Variants in TBC1D5 observed in about 807,000 individuals in gnomAD.
TBC1D5 encodes TBC1 domain family member 5.
In TBC1D5, 75 loss-of-function variants were observed where a neutral mutation model predicts 100.3. The ratio of observed to expected loss-of-function variants is 0.75; its 90% confidence interval spans 0.62 to 0.91. The LOEUF (loss-of-function observed/expected upper bound fraction) is 0.91, where lower values mean the gene tolerates loss of function less well. TBC1D5 is among the 40% of genes least tolerant of loss of function. The pLI is 0.00. For synonymous variants in TBC1D5, 323 were observed against 325.6 expected, an observed-to-expected ratio of 0.99 and a Z score of 0.09; for missense variants, 910 against 942.4, an observed-to-expected ratio of 0.97 and a Z score of 0.45.
At chr3:17,591,527 T>C (rs1459471449) in intron 2 of TBC1D5, among the ~76,000 whole-genome samples, 2 of 152,114 alleles carry the variant, frequency 1.3e-5, no homozygotes, top group South Asian at 2.1e-4. Flanking sequence ...TGAGCTCACA[T>C]TGATTCCAGG....
intron 3 of TBC1D5, among the ~76,000 whole-genome samples, chr3:17,455,502 A>ATGTG (rs200775022): frequency 1.7e-5 from 2 of 120,990 alleles, no homozygotes; most frequent in East Asian, 4.3e-4. Context: ...GTATATATAT[A>ATGTG]TGTGTGTGTG....
At chr3:17,505,983 T>C (rs1328051687) in intron 3 of TBC1D5, among the ~76,000 whole-genome samples, 1 of 152,178 alleles carries the variant, frequency 6.6e-6, no homozygotes, top group East Asian at 1.9e-4. Context: ...TTTTTACTAA[T>C]AGAACCTATG....
chr3:17,405,938 C>T (rs916672394), intron 5 of TBC1D5, among the ~76,000 whole-genome samples: 1 of 152,066 alleles, frequency 6.6e-6, no homozygotes, highest in African/African-American at 2.4e-5. Flanking sequence ...TCCTTTTCCT[C>T]TAAAGGAGAG....
At chr3:17,513,885 C>T (rs9812199) in intron 2 of TBC1D5, among the ~76,000 whole-genome samples, 60,301 of 151,874 alleles carry the variant, frequency 0.4, 12,640 homozygotes, top group Middle Eastern at 0.47. Context: ...GTAGAAGCTA[C>T]GTTTTCACAA....
intron 6 of TBC1D5, 46 bp from the exon 7 acceptor site, chr3:17,404,814 G>C (rs765026634): frequency 1.9e-6 from 3 of 1,577,350 alleles, no homozygotes; most frequent in South Asian, 1.2e-5. Flanking sequence ...AGAGGCTACT[G>C]GACTTTAAAG....
At chr3:17,633,764 T>A (rs572075740) in intron 1 of TBC1D5, among the ~76,000 whole-genome samples, 2 of 152,240 alleles carry the variant, frequency 1.3e-5, no homozygotes, top group South Asian at 4.1e-4. Flanking sequence ...ATTTAAAAAT[T>A]AATTATAAAA....
chr3:17,565,091 C>G (rs2096585421), intron 2 of TBC1D5, among the ~76,000 whole-genome samples: 1 of 152,086 alleles, frequency 6.6e-6, no homozygotes, highest in African/African-American at 2.4e-5. Flanking sequence ...CTCCTAAAAC[C>G]TGTTCTGGGG....
At chr3:17,355,865 G>GT (rs1228183205) in intron 13 of TBC1D5, among the ~76,000 whole-genome samples, 1 of 152,044 alleles carries the variant, frequency 6.6e-6, no homozygotes, top group Non-Finnish European at 1.5e-5. Context: ...AATGTTCTTT[G>GT]TTTGATTTTA....
intron 15 of TBC1D5, among the ~76,000 whole-genome samples, chr3:17,290,657 G>A (rs996671274): frequency 6.6e-6 from 1 of 152,090 alleles, no homozygotes; most frequent in Non-Finnish European, 1.5e-5. Flanking sequence ...TTGTCATCTT[G>A]TGGGGTTTTT....
At chr3:17,701,440 C>T (rs1335623187) in intron 1 of TBC1D5, among the ~76,000 whole-genome samples, 2 of 152,006 alleles carry the variant, frequency 1.3e-5, no homozygotes, top group Non-Finnish European at 2.9e-5. Flanking sequence ...CAAACCTGCA[C>T]ATTCTGCACA....
At chr3:17,166,360 G>A (rs923694125) in intron 21 of TBC1D5, among the ~76,000 whole-genome samples, 5 of 152,172 alleles carry the variant, frequency 3.3e-5, no homozygotes, top group Non-Finnish European at 5.9e-5. Flanking sequence ...AGGTTCTAGC[G>A]AAGTGAAATC....
intron 13 of TBC1D5, among the ~76,000 whole-genome samples, chr3:17,357,568 G>C (rs935530062): frequency 6.6e-6 from 1 of 152,094 alleles, no homozygotes; most frequent in African/African-American, 2.4e-5. Flanking sequence ...AGAGGCATTT[G>C]TTATATGGGG....
At chr3:17,305,799 C>G (rs2083335962) in intron 14 of TBC1D5, among the ~76,000 whole-genome samples, 1 of 152,142 alleles carries the variant, frequency 6.6e-6, no homozygotes, top group Non-Finnish European at 1.5e-5. Flanking sequence ...CTACCTTTAC[C>G]TCTGAATAGT....
chr3:17,169,544 A>C (rs1213726831), intron 19 of TBC1D5, among the ~76,000 whole-genome samples: 1 of 152,224 alleles, frequency 6.6e-6, no homozygotes, highest in Non-Finnish European at 1.5e-5. Flanking sequence ...TTATTGAGAA[A>C]ACTTGACTGT....
At chr3:17,645,412 G>T (rs2064928296) in intron 1 of TBC1D5, among the ~76,000 whole-genome samples, 1 of 152,052 alleles carries the variant, frequency 6.6e-6, no homozygotes, top group Non-Finnish European at 1.5e-5. Flanking sequence ...TTAGCAAGAT[G>T]CCCAGAGGCT....
chr3:17,401,018 T>C (rs879753966), intron 8 of TBC1D5, among the ~76,000 whole-genome samples: 3 of 152,074 alleles, frequency 2.0e-5, no homozygotes, highest in Non-Finnish European at 4.4e-5. Flanking sequence ...ACCATGATCA[T>C]GTGAGTCAAT....
chr3:17,355,146 A>G (rs1350314184), intron 13 of TBC1D5, among the ~76,000 whole-genome samples: 1 of 152,134 alleles, frequency 6.6e-6, no homozygotes, highest in Non-Finnish European at 1.5e-5. Flanking sequence ...ATAGAACTCT[A>G]GCAAATTGTC....
intron 2 of TBC1D5, among the ~76,000 whole-genome samples, chr3:17,557,476 AT>A (rs1010349666): frequency 1.3e-5 from 2 of 152,184 alleles, no homozygotes; most frequent in African/African-American, 4.8e-5. Flanking sequence ...ATGGAAATAT[AT>A]TTTGCTTGCT....
At chr3:17,584,434 C>T (rs2096719767) in intron 2 of TBC1D5, among the ~76,000 whole-genome samples, 1 of 152,152 alleles carries the variant, frequency 6.6e-6, no homozygotes, top group Non-Finnish European at 1.5e-5. Flanking sequence ...GTAAAGATTT[C>T]CAAAGATGTT....
Sources: allele counts gnomAD v4.1 joint callset (sites outside exome capture counted in the v4.1 genomes callset), GRCh38; gene constraint gnomAD v4.1.1; transcripts MANE v1.5; gene names NCBI Gene and HGNC (gene_info 2026-07-23, HGNC 2026-07-21).